The following TRIM55 variants were observed in gnomAD, a reference collection of about 807,000 sequenced individuals.
TRIM55 encodes tripartite motif-containing protein 55.
Under a neutral mutation model 60.9 loss-of-function variants are expected in TRIM55, and 50 were observed. The ratio of observed to expected loss-of-function variants is 0.82; its 90% CI spans 0.65 to 1.04. The LOEUF (loss-of-function observed/expected upper bound fraction) is 1.04, where lower values mean the gene tolerates loss of function less well. Ranked by LOEUF, TRIM55 falls within the 50% of genes least tolerant of loss-of-function variation. TRIM55 has a pLI of 0.00. For synonymous variants in TRIM55, 237 were observed against 238.1 expected, an observed-to-expected ratio of 1.00 and a Z score of 0.04; for missense variants, 681 against 666.9, an observed-to-expected ratio of 1.02 and a Z score of -0.23.
At chr8:66,134,860 T>A (rs1198210333) in intron 2 of TRIM55, 130 bp from the exon 3 acceptor site, 1 of 942,736 alleles carries the variant, frequency 1.1e-6, no homozygotes, top group African/African-American at 1.7e-5. Context: ...CCCCTGGGGG[T>A]CTTCTGGAAT....
chr8:66,155,474 C>T (rs944009099), intron 9 of TRIM55: 8 of 542,448 alleles, frequency 1.5e-5, no homozygotes, highest in African/African-American at 9.6e-5. Context: ...AAGCTGTGTG[C>T]GGAGGGGCTG....
intron 9 of TRIM55, among the ~76,000 whole-genome samples, chr8:66,170,688 C>T (rs559024495): frequency 6.6e-6 from 1 of 152,246 alleles, no homozygotes; most frequent in East Asian, 1.9e-4. Flanking sequence ...CCCTCATGCA[C>T]TGCTGGGAGA....
chr8:66,125,515 C>T (rs1439789120), upstream of TRIM55, among the ~76,000 whole-genome samples: 1 of 152,176 alleles, frequency 6.6e-6, no homozygotes, highest in Non-Finnish European at 1.5e-5. Flanking sequence ...AGGTCTTTTG[C>T]AGTAGAAACT....
chr8:66,152,737 A>G, intron 8 of TRIM55, 110 bp downstream of exon 8: 1 of 1,392,496 alleles, frequency 7.2e-7, no homozygotes, highest in African/African-American at 1.4e-5. Context: ...TATATGCCAG[A>G]CATTCGTATA....
At chr8:66,136,962 G>T in intron 3 of TRIM55, 133 bp from the exon 4 acceptor site, 1 of 626,984 alleles carries the variant, frequency 1.6e-6, no homozygotes. Context: ...AAGGTCCACA[G>T]GCCTCCCTGT....
intron 9 of TRIM55, among the ~76,000 whole-genome samples, chr8:66,161,991 C>T (rs981587893): frequency 5.3e-5 from 8 of 151,992 alleles, no homozygotes; most frequent in Non-Finnish European, 1.0e-4. Flanking sequence ...TTCCTCTTTA[C>T]CAATTTGGAT....
the TRIM55 span, chr8:66,115,297 G>A: frequency 6.6e-6 from 1 of 151,956 alleles, no homozygotes; most frequent in Non-Finnish European, 1.5e-5. Context: ...TTTTTACCTC[G>A]TTTTATTATT....
chr8:66,155,750 T>C, intron 9 of TRIM55: 1 of 1,371,920 alleles, frequency 7.3e-7, no homozygotes, highest in Non-Finnish European at 1.0e-6. Flanking sequence ...ACATCTCACA[T>C]AGTTTCTTCC....
intron 4 of TRIM55, among the ~76,000 whole-genome samples, chr8:66,148,310 G>T (rs1360868432): frequency 1.3e-5 from 2 of 152,234 alleles, no homozygotes; most frequent in Non-Finnish European, 2.9e-5. Context: ...ACACAAATGT[G>T]CAAGCCAGAC....
At chr8:66,172,675 G>A (rs1023182584) in intron 9 of TRIM55, among the ~76,000 whole-genome samples, 12 of 152,182 alleles carry the variant, frequency 7.9e-5, no homozygotes, top group African/African-American at 2.7e-4. Flanking sequence ...TTCGCTACCA[G>A]CAGTTTCCCA....
chr8:66,131,375 G>C (rs1809148208), intron 2 of TRIM55, among the ~76,000 whole-genome samples: 1 of 152,066 alleles, frequency 6.6e-6, no homozygotes, highest in African/African-American at 2.4e-5. Context: ...AATTCTTTTA[G>C]CTGTTTTTCT....
At chr8:66,122,517 G>A (rs935845134), upstream of TRIM55, among the ~76,000 whole-genome samples, 3 of 152,112 alleles carry the variant, frequency 2.0e-5, no homozygotes, top group African/African-American at 4.8e-5. Context: ...TCCTGAGGCC[G>A]TGTCACAGGC....
At chr8:66,157,432 T>G (rs1190075520) in intron 9 of TRIM55, among the ~76,000 whole-genome samples, 7 of 152,206 alleles carry the variant, frequency 4.6e-5, no homozygotes, top group Non-Finnish European at 1.0e-4. Context: ...ATTTTGCAGG[T>G]CTGATTCACC....
intron 8 of TRIM55, 37 bp from the exon 9 acceptor site, chr8:66,154,010 T>G: frequency 1.9e-6 from 3 of 1,555,820 alleles, no homozygotes; most frequent in Non-Finnish European, 1.7e-6. Context: ...CTTCTTTTTT[T>G]TTTTCTTTAC....
At chr8:66,149,300 A>C (rs1339348847) in intron 4 of TRIM55, among the ~76,000 whole-genome samples, 1 of 152,208 alleles carries the variant, frequency 6.6e-6, no homozygotes, top group African/African-American at 2.4e-5. Context: ...CACACACTCC[A>C]AAGCAAAATA....
chr8:66,147,040 G>T (rs1431981334), intron 4 of TRIM55, among the ~76,000 whole-genome samples: 1 of 152,070 alleles, frequency 6.6e-6, no homozygotes, highest in Non-Finnish European at 1.5e-5. Flanking sequence ...CTACACAAAG[G>T]GTTGGACAAA....
intron 9 of TRIM55, among the ~76,000 whole-genome samples, chr8:66,166,612 A>G (rs1429239893): frequency 1.3e-5 from 2 of 152,236 alleles, no homozygotes; most frequent in African/African-American, 4.8e-5. Context: ...TTGCTTTATC[A>G]TCTACAAAGT....
At chr8:66,163,740 T>G (rs1005767753) in intron 9 of TRIM55, among the ~76,000 whole-genome samples, 2 of 152,216 alleles carry the variant, frequency 1.3e-5, no homozygotes, top group African/African-American at 4.8e-5. Context: ...AAAACACAAG[T>G]GTTTTCTGTT....
intron 4 of TRIM55, among the ~76,000 whole-genome samples, chr8:66,143,309 G>C (rs921216559): frequency 6.6e-6 from 1 of 152,182 alleles, no homozygotes; most frequent in Non-Finnish European, 1.5e-5. Flanking sequence ...TGAGCTTTCA[G>C]GGCTAGGACA....
Sources: allele counts gnomAD v4.1 joint callset (sites outside exome capture counted in the v4.1 genomes callset), GRCh38; gene constraint gnomAD v4.1.1; transcripts MANE v1.5; gene names NCBI Gene and HGNC (gene_info 2026-07-23, HGNC 2026-07-21).